IRAG1: variants seen among roughly 807,000 people sequenced by gnomAD.
The protein encoded by IRAG1 is IP3R-associated cGMP kinase substrate.
Under a neutral mutation model 106.2 loss-of-function variants are expected in IRAG1, and 62 were observed. The observed-to-expected ratio is 0.58, with a 90% CI of 0.48 to 0.72. IRAG1 has a LOEUF of 0.72. Ranked by LOEUF, IRAG1 falls within the 30% of genes least tolerant of loss-of-function variation. The pLI is 0.00. For missense variants in IRAG1, 1,064 were observed against 1,140.7 expected (o/e 0.93, Z 0.97); for synonymous variants, 462 against 443.9 (o/e 1.04, Z -0.51).
chr11:10,672,944 A>G (rs147642781), intron 1 of IRAG1, among the ~76,000 whole-genome samples: 2 of 152,342 alleles, frequency 1.3e-5, no homozygotes, highest in African/African-American at 4.8e-5. Flanking sequence ...TTAATGGATG[A>G]ATAAAATGTG....
intron 2 of IRAG1, among the ~76,000 whole-genome samples, chr11:10,650,366 G>A (rs1263416165): frequency 6.6e-6 from 1 of 152,248 alleles, no homozygotes; most frequent in Non-Finnish European, 1.5e-5. Context: ...GACAGCAGGG[G>A]TGCATCTTTG....
chr11:10,580,446 G>A lies in IRAG1; in HGVS notation c.2495+9C>T. The A allele has an allele frequency of 6.2e-7, 1 of 1,607,126 alleles. No individual in the cohort carries two copies. The highest frequency in any genetic ancestry group is 1.3e-5 in the African/African-American group (1 of 74,292). On this transcript the variant is annotated intron_variant, in intron 20 of 20. Transcript: ENST00000423302. ...GCAACGGCAAGGACTCCAAACACAG[G>A]CTTCCCACCTGCTTCTTGGGCCCTT...
intron 20 of IRAG1, among the ~76,000 whole-genome samples, chr11:10,578,665 T>TA (rs1158219704): frequency 6.6e-6 from 1 of 152,202 alleles, no homozygotes; most frequent in Non-Finnish European, 1.5e-5. Flanking sequence ...TGATAAATGT[T>TA]ACAGGCACCA....
Position 10,607,840 on chromosome 11 carries a change from G to A in IRAG1, c.1572-1068C>T, listed in dbSNP as rs185176413. 5.1e-3 allele frequency among the ~76,000 whole-genome samples: 779 copies of A among 152,242 alleles called. 9 individuals are homozygous for A. The highest frequency in any genetic ancestry group is 0.017 in the African/African-American group (722 of 41,536). On this transcript the variant is annotated intron_variant, in intron 11 of 20. Transcript: ENST00000423302. The stretch of plus-strand genomic sequence containing the variant: ...ACCCCATGGCCATGAAGTCAGCGGA[G>A]TCCAGAACACGGGACAAACAGCTGC...
chr11:10,658,222 C>G (rs969465584), intron 1 of IRAG1, among the ~76,000 whole-genome samples: 11 of 152,328 alleles, frequency 7.2e-5, no homozygotes, highest in Admixed American at 4.6e-4. Context: ...GGATGGGAAG[C>G]CTGCCTTGGG....
At chr11:10,622,673 T>G (rs565107242) in intron 10 of IRAG1, among the ~76,000 whole-genome samples, 18 of 152,054 alleles carry the variant, frequency 1.2e-4, no homozygotes, top group Non-Finnish European at 2.5e-4. Flanking sequence ...CCCAGGTAAT[T>G]TTTGTATTTT....
intron 1 of IRAG1, among the ~76,000 whole-genome samples, chr11:10,662,110 A>G (rs1859448865): frequency 2.0e-5 from 3 of 152,096 alleles, no homozygotes. Flanking sequence ...AAAGCAGAGA[A>G]GAAGGTTTTA....
rs1191907471 is a variant in IRAG1, at chr11:10,628,060, G to A, written c.653-35C>T. ...TCCAGACACTAGTGAGTGAGGCCCA[G>A]CAGCCCAGGCCCTCAGCTGTGCTTT... On this transcript the variant is annotated intron_variant, in intron 6 of 20. Coordinates refer to ENST00000423302, the MANE Select transcript of IRAG1 (RefSeq NM_130385.4). This position sits in a 1 kb window ranked among gnomAD's most constrained non-coding sequence, Gnocchi z 4.1. 12 of 1,611,010 alleles carry A rather than the reference G, an allele frequency of 7.4e-6. No homozygotes were observed. The highest frequency in any genetic ancestry group is 8.5e-6 in the Non-Finnish European group (10 of 1,177,972).
At chr11:10,588,614 G>A (rs889416173) in intron 18 of IRAG1, among the ~76,000 whole-genome samples, 1 of 152,210 alleles carries the variant, frequency 6.6e-6, no homozygotes. Context: ...GCCTCCCAAA[G>A]TGCTGGGGTT....
chr11:10,611,973 T>C (rs1211638551), intron 10 of IRAG1, among the ~76,000 whole-genome samples: 1 of 152,176 alleles, frequency 6.6e-6, no homozygotes, highest in Non-Finnish European at 1.5e-5. Flanking sequence ...AAAGGCAGAA[T>C]GATCGCACAG....
intron 11 of IRAG1, among the ~76,000 whole-genome samples, chr11:10,607,426 A>T (rs1854567744): frequency 6.6e-6 from 1 of 152,196 alleles, no homozygotes; most frequent in Admixed American, 6.5e-5. Context: ...ACACAGAGGC[A>T]TCCTTTTGAG....
intron 3 of IRAG1, among the ~76,000 whole-genome samples, chr11:10,633,708 T>C (rs915607106): frequency 1.3e-5 from 2 of 152,158 alleles, no homozygotes; most frequent in Non-Finnish European, 2.9e-5. Context: ...CCACTAGCCC[T>C]GCTGGGGGAG....
At chr11:10,634,869 C>T (rs1356480024) in intron 2 of IRAG1, among the ~76,000 whole-genome samples, 1 of 151,468 alleles carries the variant, frequency 6.6e-6, no homozygotes, top group Non-Finnish European at 1.5e-5. Flanking sequence ...TGTTTCCATA[C>T]CTTGTCTATT....
In IRAG1 at chr11:10,628,705, C is replaced by A; in HGVS notation, c.652+46G>T. On this transcript the variant is annotated intron_variant, in intron 6 of 20. Transcript: ENST00000423302. This position sits in a 1 kb window ranked among gnomAD's most constrained non-coding sequence, Gnocchi z 4.1. Reference sequence around the variant, plus strand: ...GATCTGTCCAGGCTGAGCTGCCACCCAGAGCGAGAGGCAGGGCAGGAAGTC... The same window carrying A: ...GATCTGTCCAGGCTGAGCTGCCACCAAGAGCGAGAGGCAGGGCAGGAAGTC... 6.9e-7 allele frequency: 1 copy of A among 1,458,490 alleles called. No individual in the cohort carries two copies. Among genetic ancestry groups the A allele is most frequent in the East Asian group, 2.7e-5 (1 of 37,064 alleles). 90.3% of individuals were successfully genotyped at this position (1,458,490 alleles called of 1,614,324 possible).
chr11:10,690,476 G>A lies in IRAG1; in HGVS notation c.67+3060C>T, dbSNP rs190909515. ...GCAGGGCTTGTCCAGGGTCATGGGC[G>A]TGAGTTACCTCTGCTAAGACTCTGA... is the stretch of plus-strand genomic sequence containing the variant. On this transcript the variant is annotated intron_variant, in intron 1 of 20. Coordinates refer to ENST00000423302, the MANE Select transcript of IRAG1 (RefSeq NM_130385.4). 162 of 1,241,452 alleles carry A rather than the reference G, an allele frequency of 1.3e-4. No homozygotes were observed. The East Asian group carries it at 6.2e-3, about 47-fold the overall frequency. The allele number at this position is 1,241,452 out of a possible 1,614,324, so 76.9% of individuals were successfully genotyped here.
chr11:10,634,031 G>A lies in IRAG1; in HGVS notation c.266C>T (p.Thr89Met), dbSNP rs754927600. ...AAGVSCSPTP[T>M]IVLTGDATSP... ...AGTGGCATCCCCAGTCAGGACAATC[G>A]TGGGAGTTGGACTGCAAGATACTCC... The change falls in exon 3 of 21, where the codon ACG (threonine) becomes ATG (methionine). Residue 89 changes from threonine to methionine, a missense_variant. Transcript: ENST00000423302. 3.2e-5 allele frequency: 52 copies of A among 1,612,412 alleles called. No homozygotes were observed. Among genetic ancestry groups the A allele is most frequent in the East Asian group, 1.3e-4 (6 of 44,848 alleles).
chr11:10,616,071 C>T (rs534803220), intron 10 of IRAG1, among the ~76,000 whole-genome samples: 2 of 151,216 alleles, frequency 1.3e-5, no homozygotes, highest in South Asian at 2.1e-4. Flanking sequence ...TTTGGGAGGC[C>T]GAGGCGGGCG....
intron 10 of IRAG1, among the ~76,000 whole-genome samples, chr11:10,610,072 T>C (rs1174257579): frequency 1.3e-5 from 2 of 152,230 alleles, no homozygotes; most frequent in African/African-American, 4.8e-5. Flanking sequence ...TGCTCAAGAT[T>C]ACAGAACTAG....
At chr11:10,602,672 C>T (rs1421530115) in intron 14 of IRAG1, among the ~76,000 whole-genome samples, 1 of 152,170 alleles carries the variant, frequency 6.6e-6, no homozygotes, top group Non-Finnish European at 1.5e-5. Context: ...TGAGACAAAG[C>T]AGGTTTTCCT....
Sources: gnomAD v4.1 joint callset for allele counts (sites outside exome capture counted in the v4.1 genomes callset) on GRCh38, gnomAD v4.1.1 for gene constraint, Gnocchi (gnomAD v3.1) non-coding constraint, MANE v1.5 for transcripts, NCBI Gene and HGNC (gene_info 2026-07-23, HGNC 2026-07-21) for gene names.